KLF9: variants seen among roughly 807,000 people sequenced by gnomAD.
KLF9 encodes the protein KLF transcription factor 9.
A neutral mutation model predicts 17.3 loss-of-function variants in KLF9; 2 were observed. That is an observed-to-expected ratio of 0.12 (90% CI 0.05 to 0.36). The LOEUF (loss-of-function observed/expected upper bound fraction) is 0.36, where lower values mean the gene tolerates loss of function less well. Ranked by LOEUF, KLF9 falls within the 10% of genes least tolerant of loss-of-function variation. KLF9 has a pLI of 1.00. For missense variants in KLF9, 226 were observed against 333.2 expected, an observed-to-expected ratio of 0.68 and a Z score of 2.51; for synonymous variants, 138 against 139.2, an observed-to-expected ratio of 0.99 and a Z score of 0.06.
At chr9:70,397,305 T>G (rs2037187534) in intron 1 of KLF9, among the ~76,000 whole-genome samples, 1 of 151,860 alleles carries the variant, frequency 6.6e-6, no homozygotes, top group East Asian at 1.9e-4. Context: ...TGAAACCCTG[T>G]CTCTACTAAA....
chr9:70,400,612 T>C (rs2037214611), intron 1 of KLF9, among the ~76,000 whole-genome samples: 1 of 152,206 alleles, frequency 6.6e-6, no homozygotes, highest in South Asian at 2.1e-4. Context: ...GCCTGATTAG[T>C]CAACACGTAC....
chr9:70,398,999 A>C (rs903502583), intron 1 of KLF9, among the ~76,000 whole-genome samples: 1 of 151,214 alleles, frequency 6.6e-6, no homozygotes, highest in Non-Finnish European at 1.5e-5. Flanking sequence ...CACCCAACTA[A>C]TTTTGTTTAT....
intron 1 of KLF9, among the ~76,000 whole-genome samples, chr9:70,399,436 C>T (rs537931711): frequency 7.4e-4 from 113 of 152,328 alleles, no homozygotes; most frequent in African/African-American, 2.7e-3. Context: ...TGCCTTTGTT[C>T]AGCTATTTGT....
chr9:70,414,159 C>G lies in KLF9; in HGVS notation c.-796G>C, dbSNP rs1222673326. 6 of 152,240 alleles carry G rather than the reference C, an allele frequency of 3.9e-5. No individual in the cohort carries two copies. The highest frequency in any genetic ancestry group is 1.3e-4 in the Admixed American group (2 of 15,288). 9.4% of individuals were successfully genotyped at this position (152,240 alleles called of 1,614,324 possible). ...CTACCCCTACAGCCTCGAACACTGA[C>G]ATTTAAAAGGGTAACAGCTGGGAGG... On this transcript the variant is annotated 5_prime_UTR_variant, in exon 1 of 2. An upstream start codon of the reference 5' UTR is lost. Coordinates refer to ENST00000377126, the MANE Select transcript of KLF9 (RefSeq NM_001206.4).
In KLF9 at chr9:70,387,800, T is replaced by C. The variant is rs541450742; in HGVS notation, c.711A>G (p.Lys237=). The change falls in exon 2 of 2, where the codon AAA becomes AAG. Residue 237 remains lysine (K), a synonymous_variant. Transcript: ENST00000377126. The part of the protein sequence containing the change: ...EFHPSMIKRS[K]KALANAL ...CTCACAAAGCGTTGGCCAGCGCCTT[T>C]TTCGATCGCTTGATCATGCTGGGGT... 1.9e-6 allele frequency: 3 copies of C among 1,614,042 alleles called. No homozygotes were observed. In the Admixed American group the frequency reaches 5.0e-5, roughly 27 times the overall value.
rs2037358508 is a variant in KLF9, at chr9:70,414,187, G to C, written c.-824C>G. ...TTAAAAGGGTAACAGCTGGGAGGCA[G>C]GGAAGGGGCAGCCGCACACTTTCGG... On this transcript the variant is annotated 5_prime_UTR_variant, in exon 1 of 2. Coordinates refer to ENST00000377126, the MANE Select transcript of KLF9 (RefSeq NM_001206.4). The C allele has an allele frequency of 6.6e-6, 1 of 152,302 alleles. No homozygotes were observed. Among genetic ancestry groups the C allele is most frequent in the Non-Finnish European group, 1.5e-5 (1 of 68,090 alleles). 9.4% of individuals were successfully genotyped at this position (152,302 alleles called of 1,614,324 possible). A position where few individuals can be genotyped will look rare whatever the true frequency, so the allele number is the denominator to read the frequency against.
At chr9:70,390,943 T>C (rs2037149771) in intron 1 of KLF9, among the ~76,000 whole-genome samples, 1 of 152,216 alleles carries the variant, frequency 6.6e-6, no homozygotes, top group Non-Finnish European at 1.5e-5. Context: ...CTCCACTCCC[T>C]TCTGATGTGG....
chr9:70,400,714 C>T (rs1564087670), intron 1 of KLF9, among the ~76,000 whole-genome samples: 2 of 152,130 alleles, frequency 1.3e-5, no homozygotes, highest in Non-Finnish European at 2.9e-5. Flanking sequence ...TCCCTCTGGG[C>T]TCAACCTCTG....
rs1564084730 is a variant in KLF9 at position 70,384,911 on chromosome 9, G to A, written c.*2865C>T. On this transcript the variant is annotated 3_prime_UTR_variant, in exon 2 of 2. Coordinates refer to ENST00000377126, the MANE Select transcript of KLF9 (RefSeq NM_001206.4). ...TGTAACTACCAAATAGAATTCTCAA[G>A]AGAAGCATGATGTGGAGCTAAACCT... is the stretch of plus-strand genomic sequence containing the variant. 2 of 152,564 alleles carry A rather than the reference G, an allele frequency of 1.3e-5. No individual in the cohort carries two copies. Among genetic ancestry groups the A allele is most frequent in the Non-Finnish European group, 2.9e-5 (2 of 68,038 alleles). 9.5% of individuals were successfully genotyped at this position (152,564 alleles called of 1,614,324 possible).
intron 1 of KLF9, among the ~76,000 whole-genome samples, chr9:70,395,555 T>C (rs1382619459): frequency 1.3e-5 from 2 of 152,014 alleles, no homozygotes; most frequent in East Asian, 3.9e-4. Context: ...TATGACAAAA[T>C]GTTAAAATCT....
chr9:70,409,144 G>GTATATGTATATATATACACA, intron 1 of KLF9, among the ~76,000 whole-genome samples: 1 of 55,496 alleles, frequency 1.8e-5, no homozygotes. Context: ...ACATATATAT[G>GTATATGTATATATATACACA]TATATGTATA....
In KLF9 at chr9:70,414,542, G is replaced by A. The variant is rs915460795; in HGVS notation, c.-1179C>T. 3 of 152,198 alleles carry A rather than the reference G, an allele frequency of 2.0e-5. No homozygotes were observed. Among genetic ancestry groups the A allele is most frequent in the Non-Finnish European group, 4.4e-5 (3 of 68,044 alleles). 9.4% of individuals were successfully genotyped at this position (152,198 alleles called of 1,614,324 possible). On this transcript the variant is annotated 5_prime_UTR_variant, in exon 1 of 2. Transcript: ENST00000377126. ...ATCTTTGTATTTTGTGTTGCTGGTA[G>A]TAAATTTGAGTTATGGATGAGAGGA...
intron 1 of KLF9, among the ~76,000 whole-genome samples, chr9:70,404,975 GC>G (rs1301808314): frequency 6.6e-6 from 1 of 152,130 alleles, no homozygotes; most frequent in East Asian, 1.9e-4. Flanking sequence ...GAAGGTAAAG[GC>G]CCCCTCACAT....
At chr9:70,397,652 T>C (rs1312492436) in intron 1 of KLF9, among the ~76,000 whole-genome samples, 1 of 152,112 alleles carries the variant, frequency 6.6e-6, no homozygotes, top group Non-Finnish European at 1.5e-5. Context: ...AACAGTAGGG[T>C]TGCCCAACAA....
At chr9:70,409,092 G>GTGTA (rs2037284650) in intron 1 of KLF9, among the ~76,000 whole-genome samples, 4 of 86,040 alleles carry the variant, frequency 4.6e-5, no homozygotes, top group South Asian at 3.8e-4. Context: ...ACACATATAT[G>GTGTA]TATATATATG....
At chr9:70,409,464 A>C (rs554924264) in intron 1 of KLF9, among the ~76,000 whole-genome samples, 2 of 151,782 alleles carry the variant, frequency 1.3e-5, no homozygotes, top group East Asian at 3.9e-4. Context: ...GCCTGTTCTG[A>C]TGACTTCCGA....
intron 1 of KLF9, among the ~76,000 whole-genome samples, chr9:70,410,737 C>T (rs977634503): frequency 5.3e-5 from 8 of 152,198 alleles, no homozygotes; most frequent in Non-Finnish European, 1.0e-4. Context: ...TAGAAAAGCT[C>T]CTTACCCTAC....
In KLF9 at chr9:70,413,797, C is replaced by G. The variant is rs2037350880; in HGVS notation, c.-434G>C. 1 of 152,734 alleles carries G rather than the reference C, an allele frequency of 6.5e-6. No individual in the cohort carries two copies. Among genetic ancestry groups the G allele is most frequent in the Non-Finnish European group, 1.5e-5 (1 of 68,154 alleles). The allele number at this position is 152,734 out of a possible 1,614,324, so 9.5% of individuals were successfully genotyped here. On this transcript the variant is annotated 5_prime_UTR_variant, in exon 1 of 2. Coordinates refer to ENST00000377126, the MANE Select transcript of KLF9 (RefSeq NM_001206.4). This position sits in a 1 kb window ranked among gnomAD's most constrained non-coding sequence, Gnocchi z 5.6. ...TGCACGCCCTCGGCCGCCTCGCCGT[C>G]GAGCCAAAGCCCCAGGACATTCACC...
At chr9:70,407,286 C>T (rs1466214397) in intron 1 of KLF9, among the ~76,000 whole-genome samples, 2 of 152,134 alleles carry the variant, frequency 1.3e-5, no homozygotes. Flanking sequence ...TGTTCAGAAT[C>T]CAAGAATTCA....
Sources: allele counts gnomAD v4.1 joint callset (sites outside exome capture counted in the v4.1 genomes callset), GRCh38; gene constraint gnomAD v4.1.1; non-coding constraint Gnocchi (gnomAD v3.1); transcripts MANE v1.5; gene names NCBI Gene and HGNC (gene_info 2026-07-23, HGNC 2026-07-21).